Variants in CPNE8 observed in about 807,000 individuals in gnomAD.
CPNE8 encodes the protein copine-8.
CPNE8 carries 45 observed loss-of-function variants against 81.5 expected under a neutral mutation model. The observed-to-expected ratio is 0.55, with a 90% CI of 0.44 to 0.71. The LOEUF (loss-of-function observed/expected upper bound fraction) is 0.71, where lower values mean the gene tolerates loss of function less well. Among genes scored for constraint, CPNE8 ranks in the 30% least tolerant of loss-of-function variants. The pLI is 0.00. For synonymous variants in CPNE8, 252 were observed against 226.3 expected, an observed-to-expected ratio of 1.11 and a Z score of -1.02; for missense variants, 594 against 672.1, an observed-to-expected ratio of 0.88 and a Z score of 1.28.
chr12:38,689,770 T>C (rs1939628806), intron 15 of CPNE8, among the ~76,000 whole-genome samples: 1 of 152,222 alleles, frequency 6.6e-6, no homozygotes. Context: ...GAAGACCTTC[T>C]TTTAAGGACC....
intron 10 of CPNE8, among the ~76,000 whole-genome samples, chr12:38,741,179 C>T (rs992727491): frequency 3.1e-4 from 46 of 149,928 alleles, no homozygotes; most frequent in Middle Eastern, 3.4e-3. Flanking sequence ...TGGAAAAAAC[C>T]ACTTTAAAGT....
chr12:38,721,870 T>C (rs921582169), intron 13 of CPNE8, among the ~76,000 whole-genome samples: 1 of 152,190 alleles, frequency 6.6e-6, no homozygotes. Context: ...GGAGAGCTGG[T>C]ACCTATGCCA....
At chr12:38,835,525 G>A (rs2099194716) in intron 5 of CPNE8, among the ~76,000 whole-genome samples, 1 of 152,156 alleles carries the variant, frequency 6.6e-6, no homozygotes, top group African/African-American at 2.4e-5. Context: ...GGCCTTGTTT[G>A]TCTTATTCAT....
chr12:38,661,743 G>A (rs576005252), intron 19 of CPNE8, among the ~76,000 whole-genome samples: 95 of 152,190 alleles, frequency 6.2e-4, no homozygotes, highest in Non-Finnish European at 1.2e-3. Context: ...GAACATAGAT[G>A]CAAACATCTT....
intron 6 of CPNE8, among the ~76,000 whole-genome samples, chr12:38,826,719 A>G (rs573696347): frequency 6.6e-6 from 1 of 152,210 alleles, no homozygotes; most frequent in Admixed American, 6.5e-5. Context: ...ATAATATCAA[A>G]TTTTTAATAT....
intron 6 of CPNE8, among the ~76,000 whole-genome samples, chr12:38,787,410 G>A (rs1285448895): frequency 2.0e-5 from 3 of 150,160 alleles, no homozygotes; most frequent in Admixed American, 6.7e-5. Flanking sequence ...AAATTGATAA[G>A]GGAAGCACAA....
chr12:38,672,117 C>T (rs1939188550), intron 18 of CPNE8, among the ~76,000 whole-genome samples: 1 of 152,082 alleles, frequency 6.6e-6, no homozygotes, highest in Non-Finnish European at 1.5e-5. Flanking sequence ...ACTCAGTGGT[C>T]ACAAACACTT....
chr12:38,664,165 T>A (rs546677446), intron 19 of CPNE8, among the ~76,000 whole-genome samples: 1 of 152,212 alleles, frequency 6.6e-6, no homozygotes, highest in East Asian at 1.9e-4. Flanking sequence ...ATGTCTGAGA[T>A]ATGGGTATGC....
Position 38,849,485 on chromosome 12 carries a change from TGC to T in CPNE8, c.187-825_187-824del, listed in dbSNP as rs1337390240. ...CTGAGCAATATTAGGCAATGAAGCATGCTGTCTTATCACAAACCAACTTTTAT... is the reference window on the plus strand; with the variant it reads ...CTGAGCAATATTAGGCAATGAAGCATTGTCTTATCACAAACCAACTTTTAT... On this transcript the variant is annotated intron_variant, in intron 3 of 19. Transcript: ENST00000331366. Among the ~76,000 whole-genome samples, 4 of 152,242 alleles carry T rather than the reference TGC, an allele frequency of 2.6e-5. No individual in the cohort carries two copies. In the East Asian group the frequency reaches 5.8e-4, roughly 22 times the overall value.
At chr12:38,824,861 A>T (rs1338116779) in intron 6 of CPNE8, among the ~76,000 whole-genome samples, 1 of 152,130 alleles carries the variant, frequency 6.6e-6, no homozygotes, top group Non-Finnish European at 1.5e-5. Context: ...TCTCACAAAC[A>T]TGATTGCAAA....
chr12:38,787,003 A>G (rs1241178747), intron 6 of CPNE8, among the ~76,000 whole-genome samples: 1 of 152,186 alleles, frequency 6.6e-6, no homozygotes, highest in Non-Finnish European at 1.5e-5. Flanking sequence ...CAATACAATA[A>G]TAGCTGAAGA....
At chr12:38,824,382 G>A (rs1418757226) in intron 6 of CPNE8, among the ~76,000 whole-genome samples, 1 of 152,006 alleles carries the variant, frequency 6.6e-6, no homozygotes, top group Non-Finnish European at 1.5e-5. Flanking sequence ...GTTGTCAAAA[G>A]TTTGATTGAT....
At chr12:38,796,580 T>G (rs1268250511) in intron 6 of CPNE8, among the ~76,000 whole-genome samples, 1 of 152,128 alleles carries the variant, frequency 6.6e-6, no homozygotes, top group East Asian at 1.9e-4. Context: ...GATGGCCGAA[T>G]AGGAACAGCT....
chr12:38,839,261 C>T (rs1387889304), intron 5 of CPNE8, among the ~76,000 whole-genome samples: 1 of 151,820 alleles, frequency 6.6e-6, no homozygotes, highest in African/African-American at 2.4e-5. Context: ...TTCCTCCCTT[C>T]CCATCTACAC....
chr12:38,680,565 G>A (rs1410609813), intron 16 of CPNE8, among the ~76,000 whole-genome samples: 1 of 151,938 alleles, frequency 6.6e-6, no homozygotes, highest in Non-Finnish European at 1.5e-5. Context: ...TAGTGATTTG[G>A]AGTCAGATTA....
intron 10 of CPNE8, among the ~76,000 whole-genome samples, chr12:38,743,719 C>A (rs548366961): frequency 2.0e-4 from 31 of 152,088 alleles, no homozygotes; most frequent in African/African-American, 7.0e-4. Context: ...TGACAAAATT[C>A]TTGATTTAGG....
chr12:38,717,429 G>GTGTATATATATATACATATATATA (rs770984926), intron 13 of CPNE8, among the ~76,000 whole-genome samples: 1 of 87,052 alleles, frequency 1.1e-5, no homozygotes, highest in African/African-American at 4.6e-5. Flanking sequence ...AAAGTGTGGT[G>GTGTATATATATATACATATATATA]TATATATATA....
intron 10 of CPNE8, among the ~76,000 whole-genome samples, chr12:38,740,995 G>T (rs4489784): frequency 6.6e-6 from 1 of 151,890 alleles, no homozygotes; most frequent in African/African-American, 2.4e-5. Flanking sequence ...GACCTCTTCA[G>T]GGAGAACTAC....
chr12:38,821,120 A>T (rs991980453), intron 6 of CPNE8, among the ~76,000 whole-genome samples: 1 of 152,238 alleles, frequency 6.6e-6, no homozygotes, highest in Non-Finnish European at 1.5e-5. Flanking sequence ...TGCATTTATG[A>T]TAAAGTTTAA....
Sources: allele counts gnomAD v4.1 joint callset (sites outside exome capture counted in the v4.1 genomes callset), GRCh38; gene constraint gnomAD v4.1.1; transcripts MANE v1.5; gene names NCBI Gene and HGNC (gene_info 2026-07-23, HGNC 2026-07-21).